TPRG1: variants seen among roughly 807,000 people sequenced by gnomAD.
TPRG1 encodes tumor protein p63-regulated gene 1 protein.
In TPRG1, 29 loss-of-function variants were observed where a neutral mutation model predicts 29.3. The ratio of observed to expected loss-of-function variants is 0.99; its 90% CI spans 0.74 to 1.35. The LOEUF is 1.35. Ranked by LOEUF, TPRG1 falls within the 40% of genes most tolerant of loss-of-function variation. The pLI, the probability that TPRG1 is intolerant of heterozygous loss-of-function variation, is 0.00. For synonymous variants in TPRG1, 130 were observed against 116.8 expected (o/e 1.11, Z -0.73); for missense variants, 327 against 335.0 (o/e 0.98, Z 0.19).
chr3:189,037,980 A>C (rs1714382158), intron 4 of TPRG1, among the ~76,000 whole-genome samples: 1 of 151,502 alleles, frequency 6.6e-6, no homozygotes, highest in African/African-American at 2.4e-5. Flanking sequence ...TAGTATTTTA[A>C]AGAGGTCAAA....
chr3:189,138,176 G>T (rs892113296), intron 3 of TPRG1, among the ~76,000 whole-genome samples: 17 of 152,118 alleles, frequency 1.1e-4, no homozygotes, highest in African/African-American at 4.1e-4. Flanking sequence ...GCAAGTAGGA[G>T]TTTACTCAAT....
chr3:189,270,163 A>C (rs189232179), intron 4 of TPRG1, among the ~76,000 whole-genome samples: 33 of 152,126 alleles, frequency 2.2e-4, no homozygotes, highest in Non-Finnish European at 7.4e-5. Context: ...GGCTACTTTT[A>C]AGAAAAATAA....
chr3:189,211,281 T>C (rs1219972604), intron 2 of TPRG1, among the ~76,000 whole-genome samples: 1 of 152,196 alleles, frequency 6.6e-6, no homozygotes, highest in Non-Finnish European at 1.5e-5. Context: ...TTAAATGTTT[T>C]AAACTAGAAA....
intron 4 of TPRG1, among the ~76,000 whole-genome samples, chr3:189,309,021 TAC>T (rs1722041954): frequency 2.1e-5 from 3 of 142,060 alleles, no homozygotes; most frequent in Non-Finnish European, 3.0e-5. Flanking sequence ...TATTTTTCTT[TAC>T]TCTGTCTTTT....
upstream of TPRG1, among the ~76,000 whole-genome samples, chr3:189,098,341 A>G (rs560545793): frequency 6.6e-6 from 1 of 152,300 alleles, no homozygotes; most frequent in African/African-American, 2.4e-5. Flanking sequence ...GTGGTAGGAG[A>G]GCATGATGTC....
intron 3 of TPRG1, among the ~76,000 whole-genome samples, chr3:189,138,716 A>G (rs1724107743): frequency 1.3e-5 from 2 of 152,228 alleles, no homozygotes; most frequent in Admixed American, 1.3e-4. Context: ...CCAGGGAATT[A>G]GAGGCTAAGG....
chr3:189,226,708 A>G (rs879654301), intron 3 of TPRG1, among the ~76,000 whole-genome samples: 4 of 151,428 alleles, frequency 2.6e-5, no homozygotes, highest in Non-Finnish European at 5.9e-5. Context: ...TAAACAAAAA[A>G]AACCGAAAGA....
At chr3:189,031,318 A>G (rs1335006771) in intron 4 of TPRG1, among the ~76,000 whole-genome samples, 1 of 151,960 alleles carries the variant, frequency 6.6e-6, no homozygotes, top group East Asian at 1.9e-4. Flanking sequence ...ATTAAAAGGG[A>G]CACTGAAAAC....
At chr3:189,164,617 AT>A (rs1302078695) in intron 5 of TPRG1, among the ~76,000 whole-genome samples, 7 of 130,300 alleles carry the variant, frequency 5.4e-5, no homozygotes, top group Non-Finnish European at 9.3e-5. Flanking sequence ...AAAAAAAAAA[AT>A]AAAAGCTTCC....
At chr3:189,189,606 A>G (rs187464923) in intron 1 of TPRG1, among the ~76,000 whole-genome samples, 1 of 152,310 alleles carries the variant, frequency 6.6e-6, no homozygotes, top group Admixed American at 6.5e-5. Context: ...ATAGCTTGTG[A>G]TAATATGCTG....
chr3:189,253,853 G>A (rs1226200348), intron 4 of TPRG1, among the ~76,000 whole-genome samples: 1 of 152,152 alleles, frequency 6.6e-6, no homozygotes, highest in Admixed American at 6.5e-5. Flanking sequence ...AATGACCAGT[G>A]AAAATGAGCT....
chr3:189,191,875 G>A (rs114963652), intron 1 of TPRG1, among the ~76,000 whole-genome samples: 1,945 of 152,192 alleles, frequency 0.013, 35 homozygotes, highest in African/African-American at 0.037. Flanking sequence ...TCTGATATTC[G>A]TCACTTACTT....
At chr3:189,133,910 A>G (rs530396767) in intron 3 of TPRG1, among the ~76,000 whole-genome samples, 41 of 152,282 alleles carry the variant, frequency 2.7e-4, no homozygotes, top group Non-Finnish European at 5.6e-4. Context: ...GGTGTGTGAG[A>G]CTCTGAAGAC....
At chr3:189,178,543 C>T (rs920086607) in intron 1 of TPRG1, among the ~76,000 whole-genome samples, 5 of 152,126 alleles carry the variant, frequency 3.3e-5, no homozygotes, top group Admixed American at 6.6e-5. Flanking sequence ...AAATATGCTT[C>T]GTAGAGTTTG....
intron 4 of TPRG1, among the ~76,000 whole-genome samples, chr3:189,035,771 CAG>C (rs3058929): frequency 0.75 from 113,738 of 151,882 alleles, 49,423 homozygotes; most frequent in Non-Finnish European, 0.95. Flanking sequence ...CAAAAAATAA[CAG>C]ATGTTGGGGA....
At chr3:189,232,740 C>T (rs1197069614) in intron 3 of TPRG1, among the ~76,000 whole-genome samples, 1 of 152,082 alleles carries the variant, frequency 6.6e-6, no homozygotes, top group African/African-American at 2.4e-5. Flanking sequence ...CTATTAGTAT[C>T]CTGTGTTTAC....
intron 4 of TPRG1, among the ~76,000 whole-genome samples, chr3:189,027,072 C>A (rs1417841780): frequency 6.6e-6 from 1 of 152,184 alleles, no homozygotes; most frequent in African/African-American, 2.4e-5. Flanking sequence ...TAGAAAAATA[C>A]CTTGCACGCA....
At chr3:189,272,623 T>G in intron 4 of TPRG1, among the ~76,000 whole-genome samples, 1 of 152,076 alleles carries the variant, frequency 6.6e-6, no homozygotes, top group African/African-American at 2.4e-5. Context: ...TCTTCTTTCT[T>G]TCTTTATCTT....
At chr3:189,278,952 G>A (rs753527962) in intron 4 of TPRG1, among the ~76,000 whole-genome samples, 1 of 152,164 alleles carries the variant, frequency 6.6e-6, no homozygotes, top group Non-Finnish European at 1.5e-5. Context: ...GCATACAAGA[G>A]CAAAACTCCA....
Sources: gnomAD v4.1 joint callset for allele counts (sites outside exome capture counted in the v4.1 genomes callset) on GRCh38, gnomAD v4.1.1 for gene constraint, MANE v1.5 for transcripts, NCBI Gene and HGNC (gene_info 2026-07-23, HGNC 2026-07-21) for gene names.